DTNB: variants seen among roughly 807,000 people sequenced by gnomAD.
DTNB encodes the protein dystrobrevin beta.
A neutral mutation model predicts 90.7 loss-of-function variants in DTNB; 63 were observed. The observed-to-expected ratio is 0.69, with a 90% CI of 0.57 to 0.86. The LOEUF is 0.86. Among genes scored for constraint, DTNB ranks in the 40% least tolerant of loss-of-function variants. DTNB has a pLI of 0.00. For synonymous variants in DTNB, 277 were observed against 286.7 expected (o/e 0.97, Z 0.34); for missense variants, 744 against 807.1 (o/e 0.92, Z 0.95).
intron 8 of DTNB, among the ~76,000 whole-genome samples, chr2:25,567,928 C>T (rs1407322655): frequency 1.3e-5 from 2 of 152,068 alleles, no homozygotes; most frequent in African/African-American, 2.4e-5. Context: ...TGGGAGGCCA[C>T]GGTGGGCAGA....
intron 16 of DTNB, among the ~76,000 whole-genome samples, chr2:25,409,458 G>T (rs548114010): frequency 1.3e-5 from 2 of 152,310 alleles, no homozygotes; most frequent in South Asian, 4.1e-4. Flanking sequence ...TAGCTGGCAA[G>T]ACTCGATTAG....
chr2:25,590,842 T>C (rs563748556), intron 6 of DTNB, among the ~76,000 whole-genome samples: 47 of 152,290 alleles, frequency 3.1e-4, no homozygotes, highest in African/African-American at 1.1e-3. Flanking sequence ...AAGGTGGGGC[T>C]TCACCGGGGA....
At chr2:25,628,500 C>T (rs184543697) in intron 3 of DTNB, 116 bp from the exon 4 acceptor site, 539 of 979,004 alleles carry the variant, frequency 5.5e-4, no homozygotes, top group Non-Finnish European at 6.5e-4. Flanking sequence ...AACTCTTTAG[C>T]CAACAATGAG....
At chr2:25,483,366 T>G (rs2065397419) in intron 9 of DTNB, among the ~76,000 whole-genome samples, 1 of 152,224 alleles carries the variant, frequency 6.6e-6, no homozygotes, top group Admixed American at 6.5e-5. Flanking sequence ...GAGATTTGGT[T>G]AGAGCTCACT....
intron 8 of DTNB, among the ~76,000 whole-genome samples, chr2:25,549,210 A>T (rs539431337): frequency 6.6e-6 from 1 of 151,796 alleles, no homozygotes. Flanking sequence ...ACTGATATAT[A>T]TATCAGTAAT....
intron 8 of DTNB, among the ~76,000 whole-genome samples, chr2:25,573,042 G>T (rs1392374679): frequency 6.6e-6 from 1 of 151,982 alleles, no homozygotes; most frequent in Non-Finnish European, 1.5e-5. Flanking sequence ...CGCCTCCCAG[G>T]TTCAAGCGAT....
intron 18 of DTNB, among the ~76,000 whole-genome samples, chr2:25,384,915 A>G (rs6758165): frequency 0.64 from 96,815 of 150,456 alleles, 32,121 homozygotes; most frequent in African/African-American, 0.82. Flanking sequence ...AGTTTTGCTC[A>G]TTGCCCAGGC....
chr2:25,587,966 T>C (rs1295566861), intron 6 of DTNB, among the ~76,000 whole-genome samples: 1 of 152,212 alleles, frequency 6.6e-6, no homozygotes, highest in Non-Finnish European at 1.5e-5. Flanking sequence ...ATGACTTAAT[T>C]AAGCATAATC....
chr2:25,511,012 A>G (rs2073825513), intron 9 of DTNB, among the ~76,000 whole-genome samples: 1 of 152,210 alleles, frequency 6.6e-6, no homozygotes, highest in African/African-American at 2.4e-5. Context: ...CTTTGTAATT[A>G]TAAATTATAA....
At chr2:25,536,874 C>G (rs1168803554) in intron 8 of DTNB, among the ~76,000 whole-genome samples, 1 of 152,160 alleles carries the variant, frequency 6.6e-6, no homozygotes, top group Non-Finnish European at 1.5e-5. Flanking sequence ...TCCTGAGTTG[C>G]TGGGACTACA....
chr2:25,465,568 G>A (rs1259299285), intron 10 of DTNB, among the ~76,000 whole-genome samples: 2 of 151,898 alleles, frequency 1.3e-5, no homozygotes, highest in Non-Finnish European at 2.9e-5. Flanking sequence ...GGTTTTCTAC[G>A]CTCGGCCCTC....
At chr2:25,533,416 C>G (rs1246207081) in intron 8 of DTNB, among the ~76,000 whole-genome samples, 1 of 152,116 alleles carries the variant, frequency 6.6e-6, no homozygotes, top group Non-Finnish European at 1.5e-5. Context: ...AAATTCTCAA[C>G]TTCTCCCCTA....
At chr2:25,411,016 G>T (rs1226600879) in intron 16 of DTNB, among the ~76,000 whole-genome samples, 1 of 151,332 alleles carries the variant, frequency 6.6e-6, no homozygotes, top group East Asian at 1.9e-4. Flanking sequence ...TTTGCTCCTG[G>T]GGGGCCATCC....
At chr2:25,482,753 A>G in intron 10 of DTNB, 43 bp downstream of exon 10, 2 of 1,596,174 alleles carry the variant, frequency 1.3e-6, no homozygotes, top group Non-Finnish European at 1.7e-6. Flanking sequence ...GCAAATCAGT[A>G]GCAGAGGCCA....
intron 6 of DTNB, among the ~76,000 whole-genome samples, chr2:25,584,562 C>CTT (rs60044530): frequency 6.9e-6 from 1 of 145,944 alleles, no homozygotes; most frequent in African/African-American, 2.5e-5. Flanking sequence ...CTCAATTTTA[C>CTT]TTTTTTTTTT....
At chr2:25,627,929 G>C (rs896920394) in intron 4 of DTNB, among the ~76,000 whole-genome samples, 2 of 151,796 alleles carry the variant, frequency 1.3e-5, no homozygotes, top group Non-Finnish European at 2.9e-5. Flanking sequence ...GTAGAGACGG[G>C]GTTTCACCGT....
chr2:25,503,510 C>T (rs2071407586), intron 9 of DTNB, among the ~76,000 whole-genome samples: 1 of 151,998 alleles, frequency 6.6e-6, no homozygotes, highest in Admixed American at 6.6e-5. Context: ...AACAACCAAC[C>T]AAGCAAAACT....
intron 9 of DTNB, among the ~76,000 whole-genome samples, chr2:25,525,367 G>A (rs1262605282): frequency 6.6e-6 from 1 of 152,136 alleles, no homozygotes; most frequent in South Asian, 2.1e-4. Flanking sequence ...GATCCAAGCT[G>A]GGCGCAGTGG....
chr2:25,475,944 G>T (rs1558683058), intron 10 of DTNB, among the ~76,000 whole-genome samples: 1 of 152,158 alleles, frequency 6.6e-6, no homozygotes, highest in Non-Finnish European at 1.5e-5. Context: ...AAACAGTACT[G>T]CTCATTCATT....
Sources: gnomAD v4.1 joint callset for allele counts (sites outside exome capture counted in the v4.1 genomes callset) on GRCh38, gnomAD v4.1.1 for gene constraint, MANE v1.5 for transcripts, NCBI Gene and HGNC (gene_info 2026-07-23, HGNC 2026-07-21) for gene names.